The following RALYL variants were observed in gnomAD, a reference collection of about 807,000 sequenced individuals.
RALYL encodes RNA-binding Raly-like protein.
In RALYL, 29 loss-of-function variants were observed where a neutral mutation model predicts 35.1. The observed-to-expected ratio is 0.83, with a 90% CI of 0.61 to 1.13. RALYL has a LOEUF of 1.13. RALYL is among the 50% of genes most tolerant of loss of function. The pLI is 0.00. For synonymous variants in RALYL, 120 were observed against 127.6 expected (o/e 0.94, Z 0.40); for missense variants, 359 against 360.4 (o/e 1.00, Z 0.03).
intron 1 of RALYL, among the ~76,000 whole-genome samples, chr8:84,425,131 G>A (rs552482977): frequency 1.9e-3 from 289 of 152,296 alleles, no homozygotes; most frequent in African/African-American, 6.6e-3. Flanking sequence ...GGGCAATGGC[G>A]GACGCCCCTC....
chr8:84,460,261 T>C (rs1021915936), intron 1 of RALYL, among the ~76,000 whole-genome samples: 11 of 151,900 alleles, frequency 7.2e-5, no homozygotes, highest in Admixed American at 2.6e-4. Flanking sequence ...AGAATGCTTA[T>C]GGAAGCAATT....
chr8:84,455,167 A>G (rs1189686884), intron 1 of RALYL, among the ~76,000 whole-genome samples: 1 of 152,034 alleles, frequency 6.6e-6, no homozygotes, highest in Non-Finnish European at 1.5e-5. Context: ...GGCTGAGTTC[A>G]TCGGTCTCCT....
At chr8:84,213,234 T>C (rs1563542475) in intron 1 of RALYL, among the ~76,000 whole-genome samples, 1 of 151,686 alleles carries the variant, frequency 6.6e-6, no homozygotes, top group Non-Finnish European at 1.5e-5. Flanking sequence ...GTACTAAAAG[T>C]ACAAAAATTA....
intron 1 of RALYL, chr8:84,184,738 A>T: frequency 4.0e-6 from 1 of 253,160 alleles, no homozygotes. Context: ...CCGGCCGGGC[A>T]CTAGGCGGCC....
chr8:84,374,837 C>T (rs533479785), intron 1 of RALYL, among the ~76,000 whole-genome samples: 3 of 151,750 alleles, frequency 2.0e-5, no homozygotes, highest in South Asian at 2.1e-4. Context: ...AACAAACCTA[C>T]ACATGTACTC....
intron 1 of RALYL, among the ~76,000 whole-genome samples, chr8:84,313,964 T>C (rs1843277549): frequency 6.6e-6 from 1 of 152,166 alleles, no homozygotes; most frequent in Non-Finnish European, 1.5e-5. Context: ...CACACTGCCA[T>C]AAACATACTA....
intron 4 of RALYL, among the ~76,000 whole-genome samples, chr8:84,831,320 A>G (rs1023324551): frequency 6.6e-6 from 1 of 152,182 alleles, no homozygotes; most frequent in East Asian, 1.9e-4. Flanking sequence ...CTGTGAAGAT[A>G]ATCGTGGAGA....
intron 1 of RALYL, among the ~76,000 whole-genome samples, chr8:84,450,343 T>C (rs141441031): frequency 2.3e-3 from 349 of 151,938 alleles, no homozygotes; most frequent in African/African-American, 8.1e-3. Context: ...CTGGGAGTAA[T>C]AATATGGGCT....
intron 1 of RALYL, among the ~76,000 whole-genome samples, chr8:84,516,314 A>G (rs1297448432): frequency 2.0e-5 from 3 of 152,008 alleles, no homozygotes; most frequent in South Asian, 2.1e-4. Context: ...CCTAATATGC[A>G]TAAGTGGAGA....
chr8:84,679,565 A>C (rs924026707), intron 2 of RALYL: 5 of 420,956 alleles, frequency 1.2e-5, no homozygotes, highest in East Asian at 1.3e-4. Context: ...GCTCTTCCCA[A>C]TGGCCAGAAC....
chr8:84,260,557 C>A (rs934508310), intron 1 of RALYL, among the ~76,000 whole-genome samples: 1 of 152,098 alleles, frequency 6.6e-6, no homozygotes, highest in Non-Finnish European at 1.5e-5. Context: ...ACTTTAGTCA[C>A]GTTCTCTTGA....
At chr8:84,697,239 A>G (rs1377591434) in intron 2 of RALYL, among the ~76,000 whole-genome samples, 3 of 152,038 alleles carry the variant, frequency 2.0e-5, no homozygotes, top group Non-Finnish European at 4.4e-5. Flanking sequence ...ATTGAAATTG[A>G]TATTTTTTAA....
At chr8:84,359,489 A>G (rs1852513199) in intron 1 of RALYL, among the ~76,000 whole-genome samples, 1 of 152,036 alleles carries the variant, frequency 6.6e-6, no homozygotes, top group African/African-American at 2.4e-5. Context: ...ATCCTTAGCT[A>G]TCTTCAGTAA....
At chr8:84,735,821 A>T (rs868162282) in intron 2 of RALYL, among the ~76,000 whole-genome samples, 3,534 of 149,978 alleles carry the variant, frequency 0.024, 159 homozygotes, top group African/African-American at 0.082. Context: ...CGAGAGAGAG[A>T]GAGAGAGAGA....
At chr8:84,200,430 T>C (rs1816576205) in intron 1 of RALYL, among the ~76,000 whole-genome samples, 1 of 152,166 alleles carries the variant, frequency 6.6e-6, no homozygotes, top group Non-Finnish European at 1.5e-5. Context: ...TTACTACTTA[T>C]ATCTAATTTA....
intron 1 of RALYL, among the ~76,000 whole-genome samples, chr8:84,218,258 T>C (rs1303536021): frequency 6.6e-6 from 1 of 152,018 alleles, no homozygotes; most frequent in Non-Finnish European, 1.5e-5. Context: ...GAAGTAACCT[T>C]ATATAATTGC....
At chr8:84,393,988 C>A (rs61698585) in intron 1 of RALYL, among the ~76,000 whole-genome samples, 4,304 of 152,012 alleles carry the variant, frequency 0.028, 200 homozygotes, top group African/African-American at 0.098. Context: ...ATTAGTTTAC[C>A]AACTTGGAAC....
At chr8:84,460,375 T>C (rs901032332) in intron 1 of RALYL, among the ~76,000 whole-genome samples, 51 of 151,722 alleles carry the variant, frequency 3.4e-4, no homozygotes, top group African/African-American at 1.2e-3. Context: ...AAGTGAAGGC[T>C]GTACAGGGTA....
chr8:84,813,411 A>G (rs902585817), intron 4 of RALYL, among the ~76,000 whole-genome samples: 2 of 152,152 alleles, frequency 1.3e-5, no homozygotes, highest in Non-Finnish European at 2.9e-5. Context: ...TCCAAGTGGG[A>G]ACTGCAGTCT....
Sources: gnomAD v4.1 joint callset for allele counts (sites outside exome capture counted in the v4.1 genomes callset) on GRCh38, gnomAD v4.1.1 for gene constraint, MANE v1.5 for transcripts, NCBI Gene and HGNC (gene_info 2026-07-23, HGNC 2026-07-21) for gene names.